SYT12: variants seen among roughly 807,000 people sequenced by gnomAD.
The protein encoded by SYT12 is synaptotagmin-12.
Under a neutral mutation model 39.5 loss-of-function variants are expected in SYT12, and 27 were observed. The observed-to-expected ratio is 0.68, with a 90% CI of 0.50 to 0.94. SYT12 has a LOEUF of 0.94. Ranked by LOEUF, SYT12 falls within the 40% of genes least tolerant of loss-of-function variation. SYT12 has a pLI of 0.00. For missense variants in SYT12, 536 were observed against 572.6 expected (o/e 0.94, Z 0.65); for synonymous variants, 233 against 239.7 (o/e 0.97, Z 0.26).
At chr11:67,010,750 T>G (rs1000971438) in intron 2 of SYT12, 2 of 152,304 alleles carry the variant, frequency 1.3e-5, no homozygotes, top group African/African-American at 4.8e-5. Flanking sequence ...TTCCTGTGGT[T>G]CTTCTGGTTG....
intron 1 of SYT12, among the ~76,000 whole-genome samples, chr11:67,025,786 C>T (rs1373573050): frequency 5.9e-5 from 9 of 152,128 alleles, no homozygotes; most frequent in Non-Finnish European, 8.8e-5. Context: ...CTCTGAGCCT[C>T]CCTCTCCTCC....
Position 67,044,643 on chromosome 11 carries a change from A to T in SYT12, c.888A>T (p.Thr296=). ...TGCTCTCCCTCAGCTACCTCCCCACAGCCGAGCGCCTCACCGTGGTCGTGG... is the reference window on the plus strand; with the variant it reads ...TGCTCTCCCTCAGCTACCTCCCCACTGCCGAGCGCCTCACCGTGGTCGTGG... ...EILLSLSYLP[T]AERLTVVVVK... is the part of the protein sequence containing the mutation. Residue 296 remains threonine (T), a synonymous_variant, in exon 6 of 8, where the codon ACA becomes ACT. Transcript: ENST00000527043. The T allele has an allele frequency of 6.2e-7, 1 of 1,613,488 alleles. No homozygotes were observed. The highest frequency in any genetic ancestry group is 8.5e-7 in the Non-Finnish European group (1 of 1,179,966).
At chr11:67,043,532 A>G (rs1234334263) in intron 4 of SYT12, 106 bp from the exon 5 acceptor site, 2 of 1,054,858 alleles carry the variant, frequency 1.9e-6, no homozygotes, top group African/African-American at 1.6e-5. Context: ...TGTCAAGACA[A>G]CAGAGCCAGG....
chr11:67,048,266 C>T (rs1854630662), intron 7 of SYT12, among the ~76,000 whole-genome samples: 2 of 140,052 alleles, frequency 1.4e-5, no homozygotes, highest in South Asian at 4.5e-4. Context: ...GTGAGACTGT[C>T]TCAAAAAAAA....
upstream of SYT12, among the ~76,000 whole-genome samples, chr11:67,022,428 G>C (rs1950119304): frequency 1.3e-5 from 2 of 151,292 alleles, no homozygotes. Context: ...ACCTTCCCCC[G>C]CACCCAGCCC....
At chr11:67,037,052 C>A (rs1950395318) in intron 3 of SYT12, among the ~76,000 whole-genome samples, 1 of 152,104 alleles carries the variant, frequency 6.6e-6, no homozygotes, top group Admixed American at 6.6e-5. Context: ...CAAGCCTGGG[C>A]AACAAGAGCA....
intron 7 of SYT12, among the ~76,000 whole-genome samples, chr11:67,047,864 T>G (rs1854610288): frequency 7.3e-6 from 1 of 136,488 alleles, no homozygotes; most frequent in Non-Finnish European, 1.5e-5. Context: ...CTTGGCTCAC[T>G]GCAAGCTCCG....
chr11:67,035,116 T>C (rs1950334914), intron 3 of SYT12, among the ~76,000 whole-genome samples: 1 of 151,410 alleles, frequency 6.6e-6, no homozygotes, highest in African/African-American at 2.4e-5. Context: ...TTCAAGCGAT[T>C]ATCCTGCTTC....
At chr11:67,012,460 C>G (rs559625970) in intron 3 of SYT12, among the ~76,000 whole-genome samples, 2 of 152,322 alleles carry the variant, frequency 1.3e-5, no homozygotes, top group Middle Eastern at 3.4e-3. Flanking sequence ...ACTGACTGAG[C>G]TATCCCACCT....
chr11:67,030,087 G>T (rs1950236739), intron 1 of SYT12, 35 bp from the exon 2 acceptor site: 1 of 1,606,322 alleles, frequency 6.2e-7, no homozygotes, highest in South Asian at 1.1e-5. Context: ...CTGACTCTCT[G>T]CAGCCCTCTC....
chr11:67,014,423 T>C (rs1235711974), intron 3 of SYT12, among the ~76,000 whole-genome samples: 3 of 152,134 alleles, frequency 2.0e-5, no homozygotes, highest in Admixed American at 6.5e-5. Flanking sequence ...TAGCTGAGTA[T>C]GAGGGCGGGG....
intron 1 of SYT12, among the ~76,000 whole-genome samples, chr11:67,025,804 AG>A (rs1950173643): frequency 6.6e-6 from 1 of 151,984 alleles, no homozygotes; most frequent in Admixed American, 6.5e-5. Context: ...TCCTCCGTGG[AG>A]GAGGGGGTAG....
chr11:67,007,695 G>T (rs1949982203), intron 1 of SYT12, among the ~76,000 whole-genome samples: 1 of 151,918 alleles, frequency 6.6e-6, no homozygotes, highest in African/African-American at 2.4e-5. Flanking sequence ...CTCCAGAGTA[G>T]CTGGGCTTAC....
At chr11:67,038,468 G>GA (rs1006999157) in intron 3 of SYT12, among the ~76,000 whole-genome samples, 12 of 150,610 alleles carry the variant, frequency 8.0e-5, no homozygotes, top group East Asian at 2.0e-4. Context: ...CTGGCCAAGG[G>GA]AAAAAAAAAT....
At position 67,049,723 on chromosome 11, in the gene SYT12, C is replaced by G. The variant is rs929287684; in HGVS notation, c.*966C>G. 2 of 152,274 alleles carry G rather than the reference C, an allele frequency of 1.3e-5. No individual in the cohort carries two copies. Among genetic ancestry groups the G allele is most frequent in the African/African-American group, 4.8e-5 (2 of 41,386 alleles). The allele number at this position is 152,274 out of a possible 1,614,324, so 9.4% of individuals were successfully genotyped here. ...CACGTGCCTGCGAAGATGTGGTGGACAAGGAGGCTCTCGGGCTGGGCCTTG... is the reference window on the plus strand; with the variant it reads ...CACGTGCCTGCGAAGATGTGGTGGAGAAGGAGGCTCTCGGGCTGGGCCTTG... On this transcript the variant is annotated 3_prime_UTR_variant, in exon 8 of 8. Coordinates refer to ENST00000527043, the MANE Select transcript of SYT12 (RefSeq NM_177963.4).
At chr11:67,035,674 G>A (rs996329601) in intron 3 of SYT12, among the ~76,000 whole-genome samples, 4 of 151,404 alleles carry the variant, frequency 2.6e-5, no homozygotes, top group Non-Finnish European at 5.9e-5. Flanking sequence ...AGCCAGGATG[G>A]TCTCGATCTC....
At chr11:67,011,770 T>C (rs2136193205) in intron 3 of SYT12, among the ~76,000 whole-genome samples, 1 of 151,960 alleles carries the variant, frequency 6.6e-6, no homozygotes, top group South Asian at 2.1e-4. Context: ...GTTTGGTTTT[T>C]GTTTTGTTTT....
At chr11:67,025,662 C>T (rs539944179) in intron 1 of SYT12, among the ~76,000 whole-genome samples, 60 of 152,254 alleles carry the variant, frequency 3.9e-4, no homozygotes, top group Non-Finnish European at 4.7e-4. Context: ...CAAGGGGTCT[C>T]GGGGATAGTG....
intron 2 of SYT12, among the ~76,000 whole-genome samples, chr11:67,033,942 GA>G (rs1950315844): frequency 6.6e-6 from 1 of 152,128 alleles, no homozygotes; most frequent in Non-Finnish European, 1.5e-5. Context: ...GAAGGTTATT[GA>G]CTCATCAGCA....
Sources: allele counts gnomAD v4.1 joint callset (sites outside exome capture counted in the v4.1 genomes callset), GRCh38; gene constraint gnomAD v4.1.1; transcripts MANE v1.5; gene names NCBI Gene and HGNC (gene_info 2026-07-23, HGNC 2026-07-21).